The following PPFIA1 variants were observed in gnomAD, a reference collection of about 807,000 sequenced individuals.
The protein encoded by PPFIA1 is PPFI scaffold protein A1.
In PPFIA1, 25 loss-of-function variants were observed where a neutral mutation model predicts 149.9. That is an observed-to-expected ratio of 0.17 (90% CI 0.12 to 0.23). The LOEUF (loss-of-function observed/expected upper bound fraction) is 0.23. PPFIA1 is among the 10% of genes least tolerant of loss of function. The pLI, the probability that PPFIA1 is intolerant of heterozygous loss-of-function variation, is 1.00. For missense variants in PPFIA1, 1,362 were observed against 1,506.5 expected, an observed-to-expected ratio of 0.90 and a Z score of 1.59; for synonymous variants, 549 against 552.8, an observed-to-expected ratio of 0.99 and a Z score of 0.10.
intron 2 of PPFIA1, among the ~76,000 whole-genome samples, chr11:70,305,469 T>C (rs1198082443): frequency 6.6e-6 from 1 of 152,138 alleles, no homozygotes; most frequent in Non-Finnish European, 1.5e-5. Context: ...CCTCCTGGGC[T>C]TAAGCGATCC....
At chr11:70,364,677 AG>A (rs2135268576) in intron 21 of PPFIA1, 1 of 152,142 alleles carries the variant, frequency 6.6e-6, no homozygotes, top group South Asian at 2.1e-4. Context: ...CTGCCTCAGG[AG>A]CAGTGTCTGA....
At chr11:70,342,936 CTTTTTTT>C (rs71463672) in intron 14 of PPFIA1, among the ~76,000 whole-genome samples, 2 of 78,172 alleles carry the variant, frequency 2.6e-5, no homozygotes, top group African/African-American at 1.2e-4. Context: ...AATGTACCAC[CTTTTTTT>C]TTTTTTTTTT....
chr11:70,316,244 G>A (rs934406231), intron 2 of PPFIA1, among the ~76,000 whole-genome samples: 2 of 151,934 alleles, frequency 1.3e-5, no homozygotes, highest in African/African-American at 4.8e-5. Flanking sequence ...GCTAATTTTT[G>A]TATTTTTAGT....
chr11:70,376,807 C>T (rs1026432330), intron 25 of PPFIA1, among the ~76,000 whole-genome samples: 3 of 152,174 alleles, frequency 2.0e-5, no homozygotes, highest in Non-Finnish European at 4.4e-5. Flanking sequence ...CACGGCGGCT[C>T]GCACCTGTAA....
rs755813602 is a variant in PPFIA1, at chr11:70,299,655, C to T, written c.265-24747C>T. 2.9e-4 allele frequency among the ~76,000 whole-genome samples: 44 copies of T among 152,282 alleles called. No individual in the cohort carries two copies. In the Middle Eastern group the frequency reaches 0.01, roughly 35 times the overall value. On this transcript the variant is annotated intron_variant, in intron 2 of 27. Transcript: ENST00000253925. ...CTGTCTCTCCTGCCAGAACTGTGCT[C>T]TCCTTCCCTTCCAAGTCAGCATTGC...
intron 14 of PPFIA1, among the ~76,000 whole-genome samples, chr11:70,339,885 A>C (rs985384392): frequency 6.6e-6 from 1 of 152,104 alleles, no homozygotes; most frequent in Non-Finnish European, 1.5e-5. Context: ...GCACAGTGGC[A>C]GGTGCCTATA....
intron 2 of PPFIA1, among the ~76,000 whole-genome samples, chr11:70,289,466 G>T (rs1430120983): frequency 6.6e-6 from 1 of 152,058 alleles, no homozygotes; most frequent in Non-Finnish European, 1.5e-5. Flanking sequence ...CATAAAATGG[G>T]TTCAGCATTT....
intron 2 of PPFIA1, among the ~76,000 whole-genome samples, chr11:70,319,031 C>T (rs930789952): frequency 1.4e-4 from 22 of 152,336 alleles, no homozygotes; most frequent in African/African-American, 4.1e-4. Flanking sequence ...CTGTGAATTG[C>T]GCTCAACTGT....
At chr11:70,337,493 CT>C in intron 12 of PPFIA1, 66 bp downstream of exon 12, 1 of 1,230,520 alleles carries the variant, frequency 8.1e-7, no homozygotes, top group Middle Eastern at 1.9e-4. Flanking sequence ...ATGATAGTTA[CT>C]GCAGATGTCT....
At chr11:70,349,312 T>A (rs2055910038) in intron 16 of PPFIA1, among the ~76,000 whole-genome samples, 2 of 152,104 alleles carry the variant, frequency 1.3e-5, no homozygotes, top group Non-Finnish European at 2.9e-5. Context: ...GTTTGCAAAG[T>A]GTGCAGATCT....
At chr11:70,303,445 T>C (rs2052623952) in intron 2 of PPFIA1, among the ~76,000 whole-genome samples, 2 of 152,240 alleles carry the variant, frequency 1.3e-5, no homozygotes, top group African/African-American at 4.8e-5. Context: ...TGAAAAATGC[T>C]AACTACAATT....
intron 21 of PPFIA1, among the ~76,000 whole-genome samples, chr11:70,368,688 A>G (rs1199677877): frequency 6.6e-6 from 1 of 152,244 alleles, no homozygotes; most frequent in African/African-American, 2.4e-5. Context: ...TTAGAAATAT[A>G]GTTCATTTTT....
chr11:70,278,869 A>G (rs186740597), intron 2 of PPFIA1: 354 of 478,704 alleles, frequency 7.4e-4, no homozygotes, highest in African/African-American at 6.4e-3. Context: ...GACAGCTGGT[A>G]GAGTGTTTAG....
In PPFIA1 at chr11:70,295,708, C is replaced by T. The variant is rs1205443500; in HGVS notation, c.264+23272C>T. Among the ~76,000 whole-genome samples, 65 of 146,720 alleles carry T rather than the reference C, an allele frequency of 4.4e-4. 1 individual carries two copies. Among genetic ancestry groups the T allele is most frequent in the African/African-American group, 8.9e-4 (35 of 39,430 alleles). On this transcript the variant is annotated intron_variant, in intron 2 of 27. Coordinates refer to ENST00000253925, the MANE Select transcript of PPFIA1 (RefSeq NM_003626.5). ...GGGCTGACCCCCCCCACCTCCCTCC[C>T]GGACGGGGCGGCTGGCCGGGCAGGG...
rs746898657 is a variant in PPFIA1 at position 70,374,920 on chromosome 11, G to T, written c.3142G>T (p.Val1048Leu). The T allele has an allele frequency of 3.7e-6, 6 of 1,609,992 alleles. No individual in the cohort carries two copies. The East Asian group carries it at 1.1e-4, about 30-fold the overall frequency. ...TAATTGTCTTTATTCTTTTGCAGAC[G>T]TGCTTGTTTGGAGCAATGATCGAGT... ...REESQSEIKD[V>L]LVWSNDRVIR... Residue 1048 changes from valine to leucine, a missense_variant and splice_region_variant, in exon 24 of 28, where the codon GTG becomes TTG. By Grantham distance (32) the Val-to-Leu change is conservative (BLOSUM62 1). This residue lies in a region of PPFIA1 where 349 missense variants were observed against 373.3 expected (regional missense o/e 0.93). Transcript: ENST00000253925.
At chr11:70,272,558 C>T (rs779438502) in intron 2 of PPFIA1, 122 bp downstream of exon 2, 22 of 1,213,588 alleles carry the variant, frequency 1.8e-5, no homozygotes, top group Admixed American at 1.5e-4. Flanking sequence ...ATGATAGTTT[C>T]TGGTGTTTGT....
At chr11:70,303,825 G>A (rs1408452868) in intron 2 of PPFIA1, among the ~76,000 whole-genome samples, 1 of 152,146 alleles carries the variant, frequency 6.6e-6, no homozygotes, top group Non-Finnish European at 1.5e-5. Flanking sequence ...GGCCAACATG[G>A]TGAAACCCCG....
At chr11:70,297,939 A>T (rs997776918) in intron 2 of PPFIA1, among the ~76,000 whole-genome samples, 1 of 152,228 alleles carries the variant, frequency 6.6e-6, no homozygotes, top group Non-Finnish European at 1.5e-5. Context: ...TGGCAACAGC[A>T]TGATAAAACC....
At position 70,366,102 on chromosome 11, in the gene PPFIA1, G is replaced by T. The variant is rs2056921113; in HGVS notation, c.2865+3614G>T. On this transcript the variant is annotated intron_variant, in intron 21 of 27. Transcript: ENST00000253925. ...TTATTCGGAGTACAGGATTGTTAATGATTTGAAAGCACTGGTCAAGCAAAA... is the reference window on the plus strand; with the variant it reads ...TTATTCGGAGTACAGGATTGTTAATTATTTGAAAGCACTGGTCAAGCAAAA... 4 of 361,764 alleles carry T rather than the reference G, an allele frequency of 1.1e-5. No homozygotes were observed. The Admixed American group carries it at 1.5e-4, about 14-fold the overall frequency. 22.4% of individuals were successfully genotyped at this position (361,764 alleles called of 1,614,324 possible). A position where few individuals can be genotyped will look rare whatever the true frequency, so the allele number is the denominator to read the frequency against.
Sources: gnomAD v4.1 joint callset for allele counts (sites outside exome capture counted in the v4.1 genomes callset) on GRCh38, gnomAD v4.1.1 for gene constraint, gnomAD v4.1.1 regional missense constraint, MANE v1.5 for transcripts, NCBI Gene and HGNC (gene_info 2026-07-23, HGNC 2026-07-21) for gene names.